The following SPAG17 variants were observed in gnomAD, a reference collection of about 807,000 sequenced individuals.
SPAG17 encodes sperm-associated antigen 17.
In SPAG17, 169 loss-of-function variants were observed where a neutral mutation model predicts 273.6. The ratio of observed to expected loss-of-function variants is 0.62; its 90% CI spans 0.55 to 0.70. SPAG17 has a LOEUF of 0.70. Among genes scored for constraint, SPAG17 ranks in the 30% least tolerant of loss-of-function variants. The probability of loss-of-function intolerance (pLI) is 0.00; values close to 1 mark genes in which losing one functional copy is unlikely to be tolerated. For missense variants in SPAG17, 2,557 were observed against 2,627.8 expected, an observed-to-expected ratio of 0.97 and a Z score of 0.59; for synonymous variants, 825 against 873.2, an observed-to-expected ratio of 0.94 and a Z score of 0.97.
At chr1:118,007,355 C>CTTT (rs1659001204) in intron 31 of SPAG17, among the ~76,000 whole-genome samples, 1 of 152,108 alleles carries the variant, frequency 6.6e-6, no homozygotes, top group African/African-American at 2.4e-5. Flanking sequence ...CATCTTCTAG[C>CTTT]TTTTAGCTCT....
intron 30 of SPAG17, among the ~76,000 whole-genome samples, chr1:118,009,394 T>C (rs543616887): frequency 3.3e-5 from 5 of 152,122 alleles, no homozygotes; most frequent in South Asian, 4.1e-4. Flanking sequence ...AATAAAAACA[T>C]TGACATTAAG....
intron 1 of SPAG17, among the ~76,000 whole-genome samples, chr1:118,159,415 A>T (rs1161592542): frequency 6.6e-6 from 1 of 152,184 alleles, no homozygotes; most frequent in Non-Finnish European, 1.5e-5. Context: ...TTTGTGACTC[A>T]GTTTCTCATT....
intron 1 of SPAG17, among the ~76,000 whole-genome samples, chr1:118,175,330 G>A (rs1660641936): frequency 2.0e-5 from 3 of 151,914 alleles, no homozygotes; most frequent in Admixed American, 2.0e-4. Flanking sequence ...GCGCCCAGCT[G>A]GAAATGAAGA....
At chr1:118,105,375 G>A (rs556770653) in intron 4 of SPAG17, among the ~76,000 whole-genome samples, 21 of 152,274 alleles carry the variant, frequency 1.4e-4, no homozygotes, top group African/African-American at 5.1e-4. Context: ...CATGAAATCA[G>A]TCTGTTTAAT....
At chr1:118,039,107 A>G (rs1336088864) in intron 23 of SPAG17, among the ~76,000 whole-genome samples, 185 bp downstream of exon 23, 1 of 152,216 alleles carries the variant, frequency 6.6e-6, no homozygotes, top group African/African-American at 2.4e-5. Flanking sequence ...AAGAAAAAAG[A>G]TAACGCTTAA....
At chr1:118,133,262 C>T (rs1337972147) in intron 3 of SPAG17, among the ~76,000 whole-genome samples, 1 of 152,064 alleles carries the variant, frequency 6.6e-6, no homozygotes, top group Non-Finnish European at 1.5e-5. Context: ...AGCAGTGCCA[C>T]AGTCCAGTTC....
At chr1:118,029,716 A>G (rs1648199678) in intron 25 of SPAG17, among the ~76,000 whole-genome samples, 1 of 152,144 alleles carries the variant, frequency 6.6e-6, no homozygotes. Flanking sequence ...CTCCCTAATG[A>G]TAATCATTTC....
At position 118,012,307 on chromosome 1, in the gene SPAG17, A is replaced by T. The variant is rs1659556225; in HGVS notation, c.4353T>A (p.Asp1451Glu). 1 of 1,613,628 alleles carries T rather than the reference A, an allele frequency of 6.2e-7. No homozygotes were observed. Among genetic ancestry groups the T allele is most frequent in the African/African-American group, 1.3e-5 (1 of 74,920 alleles). ...VERKDGTRIV[D>E]HADGTRITTF... is the part of the protein sequence containing the mutation. The stretch of plus-strand genomic sequence containing the variant: ...TTGTGATTCTGGTACCATCAGCATG[A>T]TCCACTATCCGAGTACCATCTTTCC... The change falls in exon 30 of 49, where the codon GAT becomes GAA. Residue 1451 changes from aspartate (D) to glutamate (E), a missense_variant. Asp to Glu is a conservative substitution (Grantham distance 45, BLOSUM62 2). Transcript: ENST00000336338.
chr1:118,002,432 C>T (rs956018221), intron 32 of SPAG17, among the ~76,000 whole-genome samples: 9 of 152,178 alleles, frequency 5.9e-5, no homozygotes, highest in South Asian at 2.1e-4. Flanking sequence ...GTGTTAAAAT[C>T]TCCCATTACT....
At chr1:117,992,772 A>G (rs974947495) in intron 35 of SPAG17, 124 bp from the exon 36 acceptor site, 2 of 853,692 alleles carry the variant, frequency 2.3e-6, no homozygotes, top group Non-Finnish European at 3.3e-6. Context: ...CAGTGGTGAA[A>G]AAAAATCCTT....
At chr1:118,052,566 A>G (rs1651180146) in intron 20 of SPAG17, among the ~76,000 whole-genome samples, 1 of 152,064 alleles carries the variant, frequency 6.6e-6, no homozygotes, top group Non-Finnish European at 1.5e-5. Context: ...CCACATAAAA[A>G]TAATAACTAC....
chr1:118,128,064 G>A (rs1351063469), intron 3 of SPAG17, among the ~76,000 whole-genome samples: 2 of 151,946 alleles, frequency 1.3e-5, no homozygotes, highest in Non-Finnish European at 2.9e-5. Context: ...GGATGTTGCA[G>A]TGGGCCAAGA....
At position 118,055,761 on chromosome 1, in the gene SPAG17, G is replaced by C; in HGVS notation, c.2694C>G (p.Ser898Arg). 6.2e-7 allele frequency: 1 copy of C among 1,612,130 alleles called. No individual in the cohort carries two copies. The highest frequency in any genetic ancestry group is 8.5e-7 in the Non-Finnish European group (1 of 1,179,422). Reference sequence around the variant, plus strand: ...TAGATTCTTTAATGGAAAAAATTTTGCTAGCAGAAGTAAGTTTGGCATTAG... The same window carrying C: ...TAGATTCTTTAATGGAAAAAATTTTCCTAGCAGAAGTAAGTTTGGCATTAG... ...SSANAKLTSA[S>R]KIFSIKESKS... The change falls in exon 19 of 49, where the codon AGC (serine) becomes AGG (arginine). Residue 898 changes from serine (S) to arginine (R), a missense_variant. Physicochemically the swap from Ser to Arg is moderately radical, Grantham distance 110. Transcript: ENST00000336338.
At chr1:117,982,526 C>A (rs1467220563) in intron 42 of SPAG17, among the ~76,000 whole-genome samples, 2 of 152,182 alleles carry the variant, frequency 1.3e-5, no homozygotes, top group African/African-American at 4.8e-5. Flanking sequence ...CAGGCGTGAG[C>A]CACCGTGCCC....
At chr1:118,158,790 A>G (rs1390086976) in intron 1 of SPAG17, among the ~76,000 whole-genome samples, 1 of 152,176 alleles carries the variant, frequency 6.6e-6, no homozygotes, top group African/African-American at 2.4e-5. Context: ...CTTTAGTGCT[A>G]GGACCATTTT....
chr1:118,078,187 A>G (rs943402353), intron 15 of SPAG17, among the ~76,000 whole-genome samples: 2 of 152,132 alleles, frequency 1.3e-5, no homozygotes, highest in African/African-American at 2.4e-5. Flanking sequence ...ACCCACCTCT[A>G]GATTAATGAA....
chr1:118,051,416 G>A (rs1328193296), intron 20 of SPAG17, among the ~76,000 whole-genome samples: 3 of 151,896 alleles, frequency 2.0e-5, no homozygotes, highest in African/African-American at 7.2e-5. Flanking sequence ...TTTGAAATCA[G>A]TATCCTGAGA....
chr1:117,966,639 G>A lies in SPAG17; in HGVS notation c.6502C>T (p.His2168Tyr). 1 of 1,613,294 alleles carries A rather than the reference G, an allele frequency of 6.2e-7. No homozygotes were observed. Among genetic ancestry groups the A allele is most frequent in the Non-Finnish European group, 8.5e-7 (1 of 1,179,774 alleles). The change falls in exon 47 of 49, where the codon CAT becomes TAT. Residue 2168 changes from histidine to tyrosine, a missense_variant. Physicochemically the swap from His to Tyr is moderately conservative, Grantham distance 83. Transcript: ENST00000336338. The part of the protein sequence containing the change: ...ISHNIEIMTE[H>Y]EVLFLPVEAT... ...TCCACAGGTAGGAACAGAACCTCAT[G>A]CTCTGTCATAATCTCGATATTGTGA...
At position 118,127,236 on chromosome 1, in the gene SPAG17, C is replaced by T. The variant is rs555013170; in HGVS notation, c.316-11795G>A. 7.2e-5 allele frequency among the ~76,000 whole-genome samples: 11 copies of T among 152,138 alleles called. No homozygotes were observed. The South Asian group carries it at 2.1e-3, about 29-fold the overall frequency. On this transcript the variant is annotated intron_variant, in intron 3 of 48. Coordinates refer to ENST00000336338, the MANE Select transcript of SPAG17 (RefSeq NM_206996.4). ...TTCTGTGTATTAGGCCTTTCTTGCA[C>T]TGCCCTAAAGAAATACCTGAGGCTG...
Sources: allele counts gnomAD v4.1 joint callset (sites outside exome capture counted in the v4.1 genomes callset), GRCh38; gene constraint gnomAD v4.1.1; transcripts MANE v1.5; gene names NCBI Gene and HGNC (gene_info 2026-07-23, HGNC 2026-07-21).